Variants in JAG2 observed in about 807,000 individuals in gnomAD.
The protein encoded by JAG2 is protein jagged-2.
JAG2 carries 46 observed loss-of-function variants against 141.7 expected under a neutral mutation model. That is an observed-to-expected ratio of 0.32 (90% CI 0.26 to 0.42). The LOEUF (loss-of-function observed/expected upper bound fraction) is 0.42, where lower values mean the gene tolerates loss of function less well. Among genes scored for constraint, JAG2 ranks in the 10% least tolerant of loss-of-function variants. The probability of loss-of-function intolerance (pLI) is 1.00; values close to 1 mark genes in which losing one functional copy is unlikely to be tolerated. For synonymous variants in JAG2, 862 were observed against 763.5 expected (o/e 1.13, Z -2.13); for missense variants, 1,500 against 1,817.5 (o/e 0.83, Z 3.18).
chr14:105,142,811 A>AT lies in JAG2; in HGVS notation c.3600dup (p.Phe1201IlefsTer31). The AT allele has an allele frequency of 6.2e-7, 1 of 1,610,874 alleles. No individual in the cohort carries two copies. ...GGCGAGCGGCCAGGATCTTTGGTGA[A>AT]TTTGTGTGAGAGGAACTTCTCCGCC... is the stretch of plus-strand genomic sequence containing the variant. On this transcript the variant is annotated frameshift_variant, in exon 26 of 26. Transcript: ENST00000331782. LOFTEE classifies it low-confidence loss of function (END_TRUNC).
intron 3 of JAG2, among the ~76,000 whole-genome samples, chr14:105,156,245 C>A (rs1434191243): frequency 6.6e-6 from 1 of 152,176 alleles, no homozygotes; most frequent in Non-Finnish European, 1.5e-5. Flanking sequence ...CGGCTAGGGG[C>A]TAGGGGCCCT....
At chr14:105,160,863 CAA>C (rs774746168) in intron 2 of JAG2, among the ~76,000 whole-genome samples, 24 of 79,632 alleles carry the variant, frequency 3.0e-4, no homozygotes, top group Admixed American at 5.7e-4. Flanking sequence ...AACTCCATCT[CAA>C]AAAAAAAAAA....
In JAG2 at chr14:105,167,711, GGA is replaced by G. The variant is rs1888962904; in HGVS notation, c.417+44_417+45del. 21 of 1,387,466 alleles carry G rather than the reference GGA, an allele frequency of 1.5e-5. No individual in the cohort carries two copies. Among genetic ancestry groups the G allele is most frequent in the South Asian group, 4.6e-5 (3 of 64,862 alleles). The allele number at this position is 1,387,466 out of a possible 1,614,324, so 85.9% of individuals were successfully genotyped here. On this transcript the variant is annotated intron_variant, in intron 2 of 25. Transcript: ENST00000331782. The surrounding 1 kb of genome is among the most constrained non-coding windows in gnomAD (Gnocchi z 4.8). ...CGCGAAGCGCGCGGGGCCGGGGCGC[GGA>G]GAGAGAGGGAAGGGCTGGAGCACGA...
At chr14:105,168,157 C>G (rs1331678858) in intron 1 of JAG2, 50 bp from the exon 2 acceptor site, 6 of 1,412,210 alleles carry the variant, frequency 4.2e-6, no homozygotes, top group Admixed American at 5.4e-5. Flanking sequence ...CCGGGGTCGG[C>G]GGGCCGGGCG....
At position 105,143,180 on chromosome 14, in the gene JAG2, G is replaced by T; in HGVS notation, c.3242-10C>A. ...ACAGGCACCAGCAGACCTGGGGACC[G>T]GGGAGAAGAGCCGGTGGGCAATGAG... On this transcript the variant is annotated splice_polypyrimidine_tract_variant and intron_variant, in intron 25 of 25. Transcript: ENST00000331782. 6.3e-7 allele frequency: 1 copy of T among 1,595,456 alleles called. No homozygotes were observed. The highest frequency in any genetic ancestry group is 2.2e-5 in the East Asian group (1 of 44,750).
chr14:105,156,070 G>A, intron 3 of JAG2, 81 bp from the exon 4 acceptor site: 5 of 1,542,364 alleles, frequency 3.2e-6, no homozygotes, highest in East Asian at 4.6e-5. Context: ...GGACGGGGCA[G>A]AAGCCTGCGG....
intron 3 of JAG2, among the ~76,000 whole-genome samples, chr14:105,156,902 C>T (rs1420766672): frequency 2.6e-5 from 4 of 152,090 alleles, no homozygotes; most frequent in African/African-American, 9.7e-5. Flanking sequence ...CTGCTGCTCC[C>T]CACCTGGGCA....
intron 25 of JAG2, 141 bp downstream of exon 25, chr14:105,143,341 G>A: frequency 7.7e-7 from 1 of 1,294,670 alleles, no homozygotes; most frequent in Non-Finnish European, 1.1e-6. Flanking sequence ...TCAGGTTGTG[G>A]GGCTGGGCGG....
At position 105,142,227 on chromosome 14, in the gene JAG2, C is replaced by T. The variant is rs3742943; in HGVS notation, c.*468G>A. 0.1 allele frequency: 16,993 copies of T among 164,490 alleles called. 1,112 individuals carry two copies. Among genetic ancestry groups the T allele is most frequent in the South Asian group, 0.21 (1,230 of 5,764 alleles). 10.2% of individuals were successfully genotyped at this position (164,490 alleles called of 1,614,324 possible). A position where few individuals can be genotyped will look rare whatever the true frequency, so the allele number is the denominator to read the frequency against. On this transcript the variant is annotated 3_prime_UTR_variant, in exon 26 of 26. Coordinates refer to ENST00000331782, the MANE Select transcript of JAG2 (RefSeq NM_002226.5). Reference sequence around the variant, plus strand: ...AGGTCCCATTGACAGCCACGAGTCCCACCGACAGCCACAGGCCACACCATC... The same window carrying T: ...AGGTCCCATTGACAGCCACGAGTCCTACCGACAGCCACAGGCCACACCATC...
chr14:105,145,018 G>A lies in JAG2; in HGVS notation c.2996C>T (p.Pro999Leu). The change falls in exon 24 of 26, where the codon CCA (proline) becomes CTA (leucine). Residue 999 changes from proline to leucine, a missense_variant. Physicochemically the swap from Pro to Leu is moderately conservative, Grantham distance 98. Coordinates refer to ENST00000331782, the MANE Select transcript of JAG2 (RefSeq NM_002226.5). ...GAICSGIRSLPATRAVARDRL... is the reference protein window; with the variant it reads ...GAICSGIRSLLATRAVARDRL... ...GTCCCGTGCCACAGCCCTTGTGGCT[G>A]GCAGGGAGCGGATCCCGGAGCAAAT... The A allele has an allele frequency of 6.2e-7, 1 of 1,609,916 alleles. No homozygotes were observed. Among genetic ancestry groups the A allele is most frequent in the Non-Finnish European group, 8.5e-7 (1 of 1,179,746 alleles).
chr14:105,167,397 C>A lies in JAG2; in HGVS notation c.417+360G>T, dbSNP rs889878663. On this transcript the variant is annotated intron_variant, in intron 2 of 25. Transcript: ENST00000331782. This position sits in a 1 kb window ranked among gnomAD's most constrained non-coding sequence, Gnocchi z 4.8. ...GGCCTGCCCTAGACCAGCCCCAGCA[C>A]GCGCTGCGCACATGCCACCGCGGCC... 6.6e-6 allele frequency among the ~76,000 whole-genome samples: 1 copy of A among 152,038 alleles called. No individual in the cohort carries two copies. The highest frequency in any genetic ancestry group is 1.9e-4 in the East Asian group (1 of 5,160).
At position 105,150,655 on chromosome 14, in the gene JAG2, G is replaced by A. The variant is rs769099523; in HGVS notation, c.1551C>T (p.Ala517=). 209 of 1,549,766 alleles carry A rather than the reference G, an allele frequency of 1.3e-4. No individual in the cohort carries two copies. Among genetic ancestry groups the A allele is most frequent in the Non-Finnish European group, 1.7e-4 (192 of 1,146,740 alleles). ...GGGGGCAGTGGCAGTGGAAGCCGTC[G>A]GCCAGGTCCTCGCAGAGGCCGCCGC... The part of the protein sequence containing the change: ...CHSGGLCEDL[A]DGFHCHCPQG... Residue 517 remains alanine, a synonymous_variant, in exon 12 of 26, where the codon GCC becomes GCT. Transcript: ENST00000331782.
intron 3 of JAG2, among the ~76,000 whole-genome samples, chr14:105,157,272 C>G (rs1434829903): frequency 6.6e-6 from 1 of 152,182 alleles, no homozygotes; most frequent in African/African-American, 2.4e-5. Flanking sequence ...ACGAGCTGCT[C>G]CCTTGGCCTG....
At position 105,155,755 on chromosome 14, in the gene JAG2, C is replaced by T. The variant is rs769776589; in HGVS notation, c.710G>A (p.Gly237Asp). 6 of 1,612,736 alleles carry T rather than the reference C, an allele frequency of 3.7e-6. No individual in the cohort carries two copies. The East Asian group carries it at 8.9e-5, about 24-fold the overall frequency. Reference sequence around the variant, plus strand: ...CCCCTCACCTTCCTTGCACTCCTTGCCCATCCAGCCGTCCATGCAGGCCTT... The same window carrying T: ...CCCCTCACCTTCCTTGCACTCCTTGTCCATCCAGCCGTCCATGCAGGCCTT... ...GNKACMDGWM[G>D]KECKEAVCKQ... Residue 237 changes from glycine (G) to aspartate (D), a missense_variant, in exon 4 of 26, where the codon GGC becomes GAC. Around this residue, in one of 3 missense-constraint regions of JAG2, gnomAD observed 875 missense variants for 1,202.2 expected, o/e 0.73. Transcript: ENST00000331782.
At position 105,147,764 on chromosome 14, in the gene JAG2, A is replaced by C. The variant is rs2140973924; in HGVS notation, c.2365+8T>G. 2 of 1,508,494 alleles carry C rather than the reference A, an allele frequency of 1.3e-6. No individual in the cohort carries two copies. The highest frequency in any genetic ancestry group is 1.8e-6 in the Non-Finnish European group (2 of 1,110,384). The allele number at this position is 1,508,494 out of a possible 1,614,324, so 93.4% of individuals were successfully genotyped here. A position where few individuals can be genotyped will look rare whatever the true frequency, so the allele number is the denominator to read the frequency against. On this transcript the variant is annotated splice_region_variant and intron_variant, in intron 18 of 25. Transcript: ENST00000331782. Reference sequence around the variant, plus strand: ...AGCGGCCCCCGCCCACACCCCTCCCACACTCACTGTGAGTGCAAGTACGAC... The same window carrying C: ...AGCGGCCCCCGCCCACACCCCTCCCCCACTCACTGTGAGTGCAAGTACGAC...
In JAG2 at chr14:105,166,035, A is replaced by G. The variant is rs368041026; in HGVS notation, c.417+1722T>C. ...ATGGCAGGAGACCAGGGCTGCCCCC[A>G]AACACGCAGCTATGACTCTGCCCTG... On this transcript the variant is annotated intron_variant, in intron 2 of 25. Coordinates refer to ENST00000331782, the MANE Select transcript of JAG2 (RefSeq NM_002226.5). Among the ~76,000 whole-genome samples, 197 of 152,260 alleles carry G rather than the reference A, an allele frequency of 1.3e-3. 2 individuals carry two copies. Among genetic ancestry groups the G allele is most frequent in the African/African-American group, 4.3e-3 (180 of 41,566 alleles).
intron 24 of JAG2, among the ~76,000 whole-genome samples, chr14:105,144,008 A>C (rs1304300397): frequency 4.2e-5 from 2 of 47,300 alleles, no homozygotes; most frequent in African/African-American, 1.7e-4. Context: ...GGGTGGGGGG[A>C]AGTGGAGGGG....
At chr14:105,162,840 G>C (rs990625720) in intron 2 of JAG2, among the ~76,000 whole-genome samples, 2 of 151,342 alleles carry the variant, frequency 1.3e-5, no homozygotes, top group Non-Finnish European at 2.9e-5. Context: ...CCAGGGCACT[G>C]CATGGCCCAG....
Position 105,148,800 on chromosome 14 carries a change from C to A in JAG2, c.1965G>T (p.Val655=). Residue 655 remains valine (V), a synonymous_variant, in exon 15 of 26, where the codon GTG becomes GTT. Transcript: ENST00000331782. ...TGGGGCAGAAGCAGCGGAAGGCGTC[C>A]ACCTCATCGATGCATGTGCCCCCAT... is the stretch of plus-strand genomic sequence containing the variant. ...CRNGGTCIDE[V]DAFRCFCPSG... The A allele has an allele frequency of 6.3e-7, 1 of 1,598,124 alleles. No individual in the cohort carries two copies. Among genetic ancestry groups the A allele is most frequent in the Non-Finnish European group, 8.5e-7 (1 of 1,173,186 alleles).
Sources: allele counts gnomAD v4.1 joint callset (sites outside exome capture counted in the v4.1 genomes callset), GRCh38; gene constraint gnomAD v4.1.1; regional missense constraint gnomAD v4.1.1; non-coding constraint Gnocchi (gnomAD v3.1); transcripts MANE v1.5; gene names NCBI Gene and HGNC (gene_info 2026-07-23, HGNC 2026-07-21).